The following SCAF1 variants were observed in gnomAD, a reference collection of about 807,000 sequenced individuals.
SCAF1 encodes the protein SR-related CTD associated factor 1, also known as splicing factor, arginine/serine-rich 19.
A neutral mutation model predicts 91.2 loss-of-function variants in SCAF1; 28 were observed. The observed-to-expected ratio is 0.31, with a 90% CI of 0.23 to 0.42. The LOEUF is 0.42. SCAF1 is among the 10% of genes least tolerant of loss of function. The pLI, the probability that SCAF1 is intolerant of heterozygous loss-of-function variation, is 1.00. For synonymous variants in SCAF1, 1,036 were observed against 833.7 expected (o/e 1.24, Z -4.18); for missense variants, 1,893 against 1,872.1 (o/e 1.01, Z -0.21).
In SCAF1 at chr19:49,654,613, C is replaced by T. The variant is rs780492522; in HGVS notation, c.3400-39C>T. Reference sequence around the variant, plus strand: ...GGTGCACGTCCCCTCTTCCCCTCCACCTCCCTTTACTCATCACCCCTCTGT... The same window carrying T: ...GGTGCACGTCCCCTCTTCCCCTCCATCTCCCTTTACTCATCACCCCTCTGT... On this transcript the variant is annotated intron_variant, in intron 8 of 10. Coordinates refer to ENST00000360565, the MANE Select transcript of SCAF1 (RefSeq NM_021228.3). 1.8e-5 allele frequency: 27 copies of T among 1,516,146 alleles called. No individual in the cohort carries two copies. In the Middle Eastern group the frequency reaches 6.9e-4, roughly 39 times the overall value. 93.9% of individuals were successfully genotyped at this position (1,516,146 alleles called of 1,614,324 possible). A position where few individuals can be genotyped will look rare whatever the true frequency, so the allele number is the denominator to read the frequency against.
intron 6 of SCAF1, among the ~76,000 whole-genome samples, chr19:49,649,419 GC>G (rs912360022): frequency 5.3e-5 from 8 of 152,186 alleles, no homozygotes; most frequent in African/African-American, 1.9e-4. Context: ...GGAAGTAAAT[GC>G]TGTCATCATC....
In SCAF1 at chr19:49,653,007, G is replaced by A; in HGVS notation, c.2618G>A (p.Arg873His). The A allele has an allele frequency of 1.2e-6, 2 of 1,613,908 alleles. No homozygotes were observed. The highest frequency in any genetic ancestry group is 1.7e-5 in the Admixed American group (1 of 60,014). ...GVKFSRDRES[R>H]SPFLKPDERA... ...AAATTCAGCCGTGACCGCGAGAGTC[G>A]CTCCCCCTTCCTCAAACCTGACGAG... is the stretch of plus-strand genomic sequence containing the variant. Residue 873 changes from arginine to histidine, a missense_variant, in exon 7 of 11, where the codon CGC (arginine) becomes CAC (histidine). Arg to His is a conservative substitution (Grantham distance 29). Transcript: ENST00000360565.
Position 49,653,345 on chromosome 19 carries a change from C to G in SCAF1, c.2956C>G (p.Pro986Ala), listed in dbSNP as rs774428529. The G allele has an allele frequency of 3.4e-6, 5 of 1,481,160 alleles. No individual in the cohort carries two copies. Among genetic ancestry groups the G allele is most frequent in the South Asian group, 2.8e-5 (2 of 71,920 alleles). The allele number at this position is 1,481,160 out of a possible 1,614,324, so 91.8% of individuals were successfully genotyped here. The stretch of plus-strand genomic sequence containing the variant: ...GCCCCCCAAGGCAGCCCCACCACCC[C>G]CTGCCCTCACTCCGGACTCGCAGAC... ...TPPPKAAPPPPALTPDSQTVD... is the reference protein window; with the variant it reads ...TPPPKAAPPPAALTPDSQTVD... The change falls in exon 7 of 11, where the codon CCT (proline) becomes GCT (alanine). Residue 986 changes from proline (P) to alanine (A), a missense_variant. Coordinates refer to ENST00000360565, the MANE Select transcript of SCAF1 (RefSeq NM_021228.3).
chr19:49,649,428 A>ATCACCCCTGTTT (rs2081073354), intron 6 of SCAF1, among the ~76,000 whole-genome samples: 1 of 152,194 alleles, frequency 6.6e-6, no homozygotes, highest in East Asian at 1.9e-4. Flanking sequence ...TGCTGTCATC[A>ATCACCCCTGTTT]TCACCCCTGT....
chr19:49,651,085 C>T lies in SCAF1; in HGVS notation c.696C>T (p.His232=). ...GATTCGATATCTATGACCCCTTCCA[C>T]CCCACCGACGAGGCCTACTCTCCAC... The part of the protein sequence containing the change: ...APRFDIYDPF[H]PTDEAYSPPP... Residue 232 remains histidine, a synonymous_variant, in exon 7 of 11, where the codon CAC becomes CAT. Coordinates refer to ENST00000360565, the MANE Select transcript of SCAF1 (RefSeq NM_021228.3). 1 of 1,592,600 alleles carries T rather than the reference C, an allele frequency of 6.3e-7. No homozygotes were observed. Among genetic ancestry groups the T allele is most frequent in the Non-Finnish European group, 8.6e-7 (1 of 1,168,344 alleles).
Position 49,651,828 on chromosome 19 carries a change from T to G in SCAF1, c.1439T>G (p.Leu480Arg). 1 of 1,249,672 alleles carries G rather than the reference T, an allele frequency of 8.0e-7. No homozygotes were observed. The highest frequency in any genetic ancestry group is 2.2e-5 in the South Asian group (1 of 45,466). 77.4% of individuals were successfully genotyped at this position (1,249,672 alleles called of 1,614,324 possible). ...PPAADSRWGG[L>R]DLRRKILTQR... ...GCCGCCGACTCGCGCTGGGGCGGCC[T>G]GGACCTGCGCCGCAAGATCCTGACC... The change falls in exon 7 of 11, where the codon CTG (leucine) becomes CGG (arginine). Residue 480 changes from leucine to arginine, a missense_variant. Leu to Arg is a moderately radical substitution (Grantham distance 102, BLOSUM62 -2). Around this residue, in one of 5 missense-constraint regions of SCAF1, gnomAD observed 1,436 missense variants for 1,306.8 expected, o/e 1.10. Transcript: ENST00000360565.
At chr19:49,649,157 T>C (rs2122472005) in intron 6 of SCAF1, among the ~76,000 whole-genome samples, 1 of 152,296 alleles carries the variant, frequency 6.6e-6, no homozygotes, top group South Asian at 2.1e-4. Flanking sequence ...GAGGTTATGT[T>C]TTCTTTGCTT....
In SCAF1 at chr19:49,646,665, G is replaced by A. The variant is rs756821636; in HGVS notation, c.362+39G>A. ...CAGCTGGAGTGGGAGAGGCCTCAGC[G>A]TGAGAGCCAGAAGCACCCCTGAGGC... On this transcript the variant is annotated intron_variant, in intron 5 of 10. Coordinates refer to ENST00000360565, the MANE Select transcript of SCAF1 (RefSeq NM_021228.3). The surrounding 1 kb of genome is among the most constrained non-coding windows in gnomAD (Gnocchi z 5.6). The A allele has an allele frequency of 5.6e-6, 9 of 1,612,976 alleles. No individual in the cohort carries two copies. The highest frequency in any genetic ancestry group is 4.5e-5 in the East Asian group (2 of 44,880).
chr19:49,647,367 T>TTA (rs1295817750), intron 6 of SCAF1, among the ~76,000 whole-genome samples: 1 of 152,230 alleles, frequency 6.6e-6, no homozygotes, highest in Admixed American at 6.5e-5. Flanking sequence ...GGAGGACTTG[T>TTA]TACTATGCAC....
At chr19:49,654,192 T>C (rs778335547) in intron 7 of SCAF1, among the ~76,000 whole-genome samples, 157 bp from the exon 8 acceptor site, 72 of 152,302 alleles carry the variant, frequency 4.7e-4, no homozygotes, top group South Asian at 1.0e-3. Flanking sequence ...TGTTCTCTCA[T>C]TGGCCAAGGC....
Position 49,645,755 on chromosome 19 carries a change from T to C in SCAF1, c.166+344T>C, listed in dbSNP as rs2081051191. 6.6e-6 allele frequency among the ~76,000 whole-genome samples: 1 copy of C among 152,108 alleles called. No homozygotes were observed. Among genetic ancestry groups the C allele is most frequent in the East Asian group, 1.9e-4 (1 of 5,182 alleles). On this transcript the variant is annotated intron_variant, in intron 3 of 10. Coordinates refer to ENST00000360565, the MANE Select transcript of SCAF1 (RefSeq NM_021228.3). The surrounding 1 kb of genome is among the most constrained non-coding windows in gnomAD (Gnocchi z 4.6). ...GAAGCCTGATCAGCTGCAGCAGGCC[T>C]ACAGCACGGGTGCAGCGGCGAGGGG...
chr19:49,647,840 C>T (rs942309754), intron 6 of SCAF1, among the ~76,000 whole-genome samples: 1 of 152,140 alleles, frequency 6.6e-6, no homozygotes, highest in Admixed American at 6.5e-5. Flanking sequence ...ACCATGCTGG[C>T]CAGGATGGCC....
chr19:49,644,859 A>G (rs1032510917), intron 1 of SCAF1, 162 bp from the exon 2 acceptor site: 2 of 594,406 alleles, frequency 3.4e-6, no homozygotes, highest in Non-Finnish European at 6.0e-6. Flanking sequence ...TCCAGCGCCC[A>G]CCCAAGCACA....
chr19:49,658,104 T>C, intron 10 of SCAF1, 104 bp from the exon 11 acceptor site: 1 of 1,333,518 alleles, frequency 7.5e-7, no homozygotes, highest in Non-Finnish European at 1.0e-6. Context: ...GGCCTGGTTA[T>C]TGGGGAAGCT....
rs2081091971 is a variant in SCAF1, at chr19:49,651,697, C to T, written c.1308C>T (p.Pro436=). 3 of 1,393,154 alleles carry T rather than the reference C, an allele frequency of 2.2e-6. No homozygotes were observed. The highest frequency in any genetic ancestry group is 2.8e-6 in the Non-Finnish European group (3 of 1,085,138). 86.3% of individuals were successfully genotyped at this position (1,393,154 alleles called of 1,614,324 possible). The change falls in exon 7 of 11, where the codon CCC becomes CCT. Residue 436 remains proline (P), a synonymous_variant. Coordinates refer to ENST00000360565, the MANE Select transcript of SCAF1 (RefSeq NM_021228.3). ...TPTAQPLPQP[P]APRAPEGDDF... ...CGGCCCAGCCCCTTCCTCAGCCTCC[C>T]GCTCCGCGGGCCCCCGAGGGGGACG...
chr19:49,645,185 C>A lies in SCAF1; in HGVS notation c.108+51C>A. 2 of 1,556,712 alleles carry A rather than the reference C, an allele frequency of 1.3e-6. No homozygotes were observed. The highest frequency in any genetic ancestry group is 1.1e-5 in the South Asian group (1 of 89,394). Reference sequence around the variant, plus strand: ...GAGGGATGGAGGAGCTGGGCATCCACACTCCAGGGGCCTGACTCCAGGGCC... The same window carrying A: ...GAGGGATGGAGGAGCTGGGCATCCAAACTCCAGGGGCCTGACTCCAGGGCC... On this transcript the variant is annotated intron_variant, in intron 2 of 10. Coordinates refer to ENST00000360565, the MANE Select transcript of SCAF1 (RefSeq NM_021228.3). This position sits in a 1 kb window ranked among gnomAD's most constrained non-coding sequence, Gnocchi z 4.6.
chr19:49,657,854 G>A lies in SCAF1; in HGVS notation c.3712G>A (p.Glu1238Lys). Residue 1238 changes from glutamate to lysine, a missense_variant, in exon 10 of 11, where the codon GAG (glutamate) becomes AAG (lysine). By Grantham distance (56) the Glu-to-Lys change is moderately conservative (BLOSUM62 1). This residue lies in a region of SCAF1 where 56 missense variants were observed against 106.3 expected (regional missense o/e 0.53). Transcript: ENST00000360565. ...TCAGAAGAAGGACATCACCAAGGAGGAGTACAAGGACATCCTGAGGAAGGC... is the reference window on the plus strand; with the variant it reads ...TCAGAAGAAGGACATCACCAAGGAGAAGTACAAGGACATCCTGAGGAAGGC... ...YYQKKDITKE[E>K]YKDILRKAVH... is the part of the protein sequence containing the mutation. 1 of 1,611,754 alleles carries A rather than the reference G, an allele frequency of 6.2e-7. No individual in the cohort carries two copies. The highest frequency in any genetic ancestry group is 8.5e-7 in the Non-Finnish European group (1 of 1,178,914).
Position 49,657,754 on chromosome 19 carries a change from C to T in SCAF1, c.3619-7C>T, listed in dbSNP as rs374377996. 3.7e-4 allele frequency: 595 copies of T among 1,596,580 alleles called. 1 individual carries two copies. The highest frequency in any genetic ancestry group is 4.9e-4 in the Non-Finnish European group (574 of 1,171,136). ...TGTGTCTTCCCCCGCTGTCGCCACC[C>T]CACCAGTATCTGAAGAAGCTGCACA... is the stretch of plus-strand genomic sequence containing the variant. On this transcript the variant is annotated splice_region_variant and splice_polypyrimidine_tract_variant and intron_variant, in intron 9 of 10. Transcript: ENST00000360565.
Position 49,651,682 on chromosome 19 carries a change from C to A in SCAF1, c.1293C>A (p.Pro431=). ...CCTCGGCCACCCCCACGGCCCAGCC[C>A]CTTCCTCAGCCTCCCGCTCCGCGGG... is the stretch of plus-strand genomic sequence containing the variant. ...PAASATPTAQ[P]LPQPPAPRAP... The change falls in exon 7 of 11, where the codon CCC becomes CCA. Residue 431 remains proline (P), a synonymous_variant. Transcript: ENST00000360565. The A allele has an allele frequency of 7.1e-7, 1 of 1,403,664 alleles. No homozygotes were observed. Among genetic ancestry groups the A allele is most frequent in the Non-Finnish European group, 9.2e-7 (1 of 1,090,722 alleles). The allele number at this position is 1,403,664 out of a possible 1,614,324, so 87.0% of individuals were successfully genotyped here. A position where few individuals can be genotyped will look rare whatever the true frequency, so the allele number is the denominator to read the frequency against.
Sources: allele counts gnomAD v4.1 joint callset (sites outside exome capture counted in the v4.1 genomes callset), GRCh38; gene constraint gnomAD v4.1.1; regional missense constraint gnomAD v4.1.1; non-coding constraint Gnocchi (gnomAD v3.1); transcripts MANE v1.5; gene names NCBI Gene and HGNC (gene_info 2026-07-23, HGNC 2026-07-21).